Variants in TMEM196 observed in about 807,000 individuals in gnomAD.
TMEM196 encodes the protein transmembrane protein 196.
Under a neutral mutation model 20.0 loss-of-function variants are expected in TMEM196, and 17 were observed. The ratio of observed to expected loss-of-function variants is 0.85; its 90% confidence interval spans 0.58 to 1.27. TMEM196 has a LOEUF of 1.27. Among genes scored for constraint, TMEM196 ranks in the 50% most tolerant of loss-of-function variants. The pLI, the probability that TMEM196 is intolerant of heterozygous loss-of-function variation, is 0.00. For missense variants in TMEM196, 267 were observed against 223.0 expected (o/e 1.20, Z -1.26); for synonymous variants, 113 against 88.9 (o/e 1.27, Z -1.52).
intron 1 of TMEM196, among the ~76,000 whole-genome samples, chr7:19,751,341 G>A (rs762151086): frequency 3.3e-5 from 5 of 152,200 alleles, no homozygotes; most frequent in Non-Finnish European, 7.4e-5. Context: ...GATAGGTGCT[G>A]TCCACAAAGG....
At position 19,772,500 on chromosome 7, in the gene TMEM196, A is replaced by T. The variant is rs1785924275; in HGVS notation, c.147+50T>A. 8 of 1,461,020 alleles carry T rather than the reference A, an allele frequency of 5.5e-6. No individual in the cohort carries two copies. In the East Asian group the frequency reaches 2.1e-4, roughly 39 times the overall value. 90.5% of individuals were successfully genotyped at this position (1,461,020 alleles called of 1,614,324 possible). On this transcript the variant is annotated intron_variant, in intron 1 of 4. Coordinates refer to ENST00000405844, the MANE Select transcript of TMEM196 (RefSeq NM_001363562.2). The stretch of plus-strand genomic sequence containing the variant: ...GCGCACCCTGACCATCACCGTAAAG[A>T]GGTAAAGAGAGAGTGAAATGGCTCA...
intron 1 of TMEM196, among the ~76,000 whole-genome samples, chr7:19,752,803 C>G (rs207992): frequency 6.6e-6 from 1 of 152,054 alleles, no homozygotes; most frequent in Non-Finnish European, 1.5e-5. Flanking sequence ...TTAGTAGAGA[C>G]AGGGTTTCAC....
chr7:19,724,163 G>T, intron 4 of TMEM196, 117 bp downstream of exon 4: 1 of 916,220 alleles, frequency 1.1e-6, no homozygotes, highest in Non-Finnish European at 1.7e-6. Context: ...GATACTTTGA[G>T]AAACAACATT....
At chr7:19,724,253 A>T (rs1326083946) in intron 4 of TMEM196, 27 bp downstream of exon 4, 5 of 1,547,780 alleles carry the variant, frequency 3.2e-6, no homozygotes, top group Non-Finnish European at 4.4e-6. Flanking sequence ...ACATTACAAC[A>T]TGGTAACTCC....
chr7:19,738,301 C>A (rs1784472687), intron 1 of TMEM196, among the ~76,000 whole-genome samples: 1 of 151,932 alleles, frequency 6.6e-6, no homozygotes, highest in Non-Finnish European at 1.5e-5. Flanking sequence ...TAGAATGATC[C>A]ACATCGTAAG....
rs1783748684 is a variant in TMEM196, at chr7:19,719,537, C to A, written c.*2591G>T. On this transcript the variant is annotated 3_prime_UTR_variant, in exon 5 of 5. Transcript: ENST00000405844. ...TGATATGGTCCAAAGTATACCACCA[C>A]TCCAGTTTCACATAGTTTTTCTAAT... 1 of 152,122 alleles carries A rather than the reference C, an allele frequency of 6.6e-6. No homozygotes were observed. Among genetic ancestry groups the A allele is most frequent in the African/African-American group, 2.4e-5 (1 of 41,444 alleles). 9.4% of individuals were successfully genotyped at this position (152,122 alleles called of 1,614,324 possible).
At chr7:19,730,232 G>T (rs1784152739) in intron 1 of TMEM196, among the ~76,000 whole-genome samples, 2 of 151,068 alleles carry the variant, frequency 1.3e-5, no homozygotes, top group African/African-American at 4.9e-5. Flanking sequence ...TTCCAGCCTG[G>T]GTGACGGAGC....
At chr7:19,727,801 T>A (rs962749934) in intron 2 of TMEM196, among the ~76,000 whole-genome samples, 3 of 152,180 alleles carry the variant, frequency 2.0e-5, no homozygotes, top group African/African-American at 7.2e-5. Context: ...TGACACCTCA[T>A]TAACATGTGT....
intron 4 of TMEM196, among the ~76,000 whole-genome samples, 171 bp downstream of exon 4, chr7:19,724,109 A>G (rs931093032): frequency 4.6e-5 from 7 of 152,184 alleles, no homozygotes; most frequent in African/African-American, 9.7e-5. Context: ...AGACTCGGCC[A>G]TGTAGGTTTA....
At chr7:19,744,652 C>T (rs541293792) in intron 1 of TMEM196, among the ~76,000 whole-genome samples, 25 of 152,232 alleles carry the variant, frequency 1.6e-4, no homozygotes, top group African/African-American at 5.3e-4. Flanking sequence ...AGATATCTAA[C>T]GATGAAATTT....
intron 1 of TMEM196, 151 bp downstream of exon 1, chr7:19,772,399 C>T (rs1785919846): frequency 3.8e-6 from 3 of 796,966 alleles, no homozygotes; most frequent in Non-Finnish European, 1.8e-6. Flanking sequence ...TATAAAGAAG[C>T]ATAGCTTGTC....
At chr7:19,744,583 G>A (rs1238721879) in intron 1 of TMEM196, among the ~76,000 whole-genome samples, 1 of 152,100 alleles carries the variant, frequency 6.6e-6, no homozygotes, top group Admixed American at 6.6e-5. Flanking sequence ...ATTAAACACT[G>A]CACTCTATCA....
rs1783975587 is a variant in TMEM196, at chr7:19,725,672, A to G, written c.301T>C (p.Tyr101His). The change falls in exon 3 of 5, where the codon TAC (tyrosine) becomes CAC (histidine). Residue 101 changes from tyrosine (Y) to histidine (H), a missense_variant. By Grantham distance (83) the Tyr-to-His change is moderately conservative. Transcript: ENST00000405844. ...RAVTKKTSSL[Y>H]PLHLASMSLA... is the part of the protein sequence containing the mutation. Reference sequence around the variant, plus strand: ...GACATGGAGGCAAGGTGCAGTGGGTATAGGGAGGAAGTTTTCTTTGTGACT... The same window carrying G: ...GACATGGAGGCAAGGTGCAGTGGGTGTAGGGAGGAAGTTTTCTTTGTGACT... The G allele has an allele frequency of 1.9e-6, 3 of 1,614,050 alleles. No individual in the cohort carries two copies. Among genetic ancestry groups the G allele is most frequent in the Non-Finnish European group, 2.5e-6 (3 of 1,179,910 alleles).
Position 19,772,580 on chromosome 7 carries a change from C to G in TMEM196, c.117G>C (p.Glu39Asp). ...ACGAGTCTCCGAGCTGCGGCTTGTG[C>G]TCTCGGAGGGCCAGGCTGAAGCTGA... ...GAVSFSLALR[E>D]HKPQLGDSSP... Residue 39 changes from glutamate (E) to aspartate (D), a missense_variant, in exon 1 of 5, where the codon GAG becomes GAC. Transcript: ENST00000405844. The G allele has an allele frequency of 3.2e-6, 5 of 1,546,092 alleles. No homozygotes were observed. Among genetic ancestry groups the G allele is most frequent in the Non-Finnish European group, 4.4e-6 (5 of 1,145,416 alleles).
chr7:19,771,217 A>G (rs1031509819), intron 1 of TMEM196, among the ~76,000 whole-genome samples: 1 of 152,308 alleles, frequency 6.6e-6, no homozygotes, highest in Non-Finnish European at 1.5e-5. Flanking sequence ...CAAATTTAAT[A>G]TATACATTGA....
chr7:19,762,588 A>G (rs1318394177), intron 1 of TMEM196, among the ~76,000 whole-genome samples: 1 of 152,188 alleles, frequency 6.6e-6, no homozygotes, highest in African/African-American at 2.4e-5. Context: ...TTTTATGTTT[A>G]AGATTCTTTC....
At chr7:19,748,230 C>T (rs1213815252) in intron 1 of TMEM196, among the ~76,000 whole-genome samples, 1 of 112,630 alleles carries the variant, frequency 8.9e-6, no homozygotes, top group Admixed American at 1.3e-4. Flanking sequence ...TTCATTCAAC[C>T]TTATAGATTC....
intron 1 of TMEM196, among the ~76,000 whole-genome samples, chr7:19,733,360 T>G (rs1456200101): frequency 6.6e-6 from 1 of 152,174 alleles, no homozygotes; most frequent in Non-Finnish European, 1.5e-5. Context: ...TTAGAGCCCA[T>G]CAGAGAGCTG....
chr7:19,745,492 T>C (rs1784720765), intron 1 of TMEM196, among the ~76,000 whole-genome samples: 1 of 151,966 alleles, frequency 6.6e-6, no homozygotes, highest in South Asian at 2.1e-4. Context: ...ATTCTTTTTT[T>C]CCCTCACAAT....
Sources: allele counts gnomAD v4.1 joint callset (sites outside exome capture counted in the v4.1 genomes callset), GRCh38; gene constraint gnomAD v4.1.1; transcripts MANE v1.5; gene names NCBI Gene and HGNC (gene_info 2026-07-23, HGNC 2026-07-21).